Variants in ATP2B2 observed in about 807,000 individuals in gnomAD.
The protein encoded by ATP2B2 is ATPase plasma membrane Ca2+ transporting 2, also known as plasma membrane calcium-transporting ATPase 2.
In ATP2B2, 15 loss-of-function variants were observed where a neutral mutation model predicts 120.0. The ratio of observed to expected loss-of-function variants is 0.12; its 90% CI spans 0.08 to 0.19. ATP2B2 has a LOEUF of 0.19. ATP2B2 is among the 10% of genes least tolerant of loss of function. The pLI is 1.00. For missense variants in ATP2B2, 1,045 were observed against 1,719.8 expected, an observed-to-expected ratio of 0.61 and a Z score of 6.94; for synonymous variants, 694 against 700.3, an observed-to-expected ratio of 0.99 and a Z score of 0.14.
intron 5 of ATP2B2, among the ~76,000 whole-genome samples, chr3:10,398,380 T>G (rs1291777260): frequency 6.6e-6 from 1 of 152,224 alleles, no homozygotes; most frequent in African/African-American, 2.4e-5. Flanking sequence ...TCCAGCCAGA[T>G]GGAGACCAAG....
At chr3:10,435,364 C>A (rs1335127043) in intron 2 of ATP2B2, among the ~76,000 whole-genome samples, 2 of 152,146 alleles carry the variant, frequency 1.3e-5, no homozygotes, top group Non-Finnish European at 2.9e-5. Flanking sequence ...TATGGTTCTT[C>A]ACCCTGGCCA....
At chr3:10,638,816 T>C (rs2125648357) in intron 1 of ATP2B2, among the ~76,000 whole-genome samples, 1 of 152,340 alleles carries the variant, frequency 6.6e-6, no homozygotes, top group Admixed American at 6.5e-5. Context: ...GCTACATTTA[T>C]ATCAAAGTAG....
chr3:10,417,507 C>G (rs992998117), intron 2 of ATP2B2, among the ~76,000 whole-genome samples: 5 of 152,220 alleles, frequency 3.3e-5, no homozygotes, highest in African/African-American at 4.8e-5. Context: ...ATGCCAGGCC[C>G]CACTCAAGAC....
intron 1 of ATP2B2, among the ~76,000 whole-genome samples, chr3:10,623,986 T>C (rs1274289312): frequency 6.6e-6 from 1 of 152,180 alleles, no homozygotes; most frequent in African/African-American, 2.4e-5. Context: ...GGAAAAAGGG[T>C]TGGACTAGCT....
chr3:10,648,708 A>T (rs1199425054), intron 1 of ATP2B2, among the ~76,000 whole-genome samples: 1 of 152,168 alleles, frequency 6.6e-6, no homozygotes, highest in African/African-American at 2.4e-5. Flanking sequence ...ATCCAGAGAC[A>T]TAACCTGGGA....
At chr3:10,684,517 T>C (rs1339143702) in intron 1 of ATP2B2, among the ~76,000 whole-genome samples, 2 of 152,228 alleles carry the variant, frequency 1.3e-5, no homozygotes, top group Admixed American at 6.5e-5. Flanking sequence ...AACATCACCC[T>C]CAAAGGTTTC....
intron 8 of ATP2B2, among the ~76,000 whole-genome samples, chr3:10,379,994 A>G (rs2061487994): frequency 6.6e-6 from 1 of 152,152 alleles, no homozygotes; most frequent in African/African-American, 2.4e-5. Context: ...ATGGTGGTAT[A>G]CGAGGGACCT....
chr3:10,391,027 C>T (rs552263325), intron 5 of ATP2B2, among the ~76,000 whole-genome samples: 34 of 152,236 alleles, frequency 2.2e-4, no homozygotes, highest in Admixed American at 5.9e-4. Context: ...GGTCTCATGG[C>T]GGGTATCACT....
At chr3:10,439,975 T>G (rs2063606598) in intron 2 of ATP2B2, among the ~76,000 whole-genome samples, 1 of 151,812 alleles carries the variant, frequency 6.6e-6, no homozygotes. Flanking sequence ...TGGTGGCACA[T>G]GCCTGTAGTC....
At chr3:10,472,829 C>T (rs994255352) in intron 1 of ATP2B2, among the ~76,000 whole-genome samples, 12 of 152,218 alleles carry the variant, frequency 7.9e-5, no homozygotes, top group Non-Finnish European at 1.6e-4. Context: ...AAGTGACAAC[C>T]CTACAGTAGC....
At chr3:10,460,906 G>A (rs1575296580) in intron 1 of ATP2B2, among the ~76,000 whole-genome samples, 1 of 152,186 alleles carries the variant, frequency 6.6e-6, no homozygotes, top group Admixed American at 6.5e-5. Flanking sequence ...TGGGGTGAGG[G>A]AGGAAAAACT....
At chr3:10,528,097 C>G (rs2067136926) in intron 3 of ATP2B2, among the ~76,000 whole-genome samples, 1 of 152,196 alleles carries the variant, frequency 6.6e-6, no homozygotes. Flanking sequence ...CTGGCTTCTT[C>G]TTGGGCTTTT....
At chr3:10,466,463 G>C (rs2064746645) in intron 1 of ATP2B2, among the ~76,000 whole-genome samples, 1 of 152,152 alleles carries the variant, frequency 6.6e-6, no homozygotes, top group African/African-American at 2.4e-5. Flanking sequence ...TGTGTGTGTG[G>C]TGGGGTGTGA....
At chr3:10,583,983 C>G (rs73123642) in intron 2 of ATP2B2, among the ~76,000 whole-genome samples, 1 of 152,228 alleles carries the variant, frequency 6.6e-6, no homozygotes, top group African/African-American at 2.4e-5. Flanking sequence ...AATCGCTGGC[C>G]AGGTGCCTGC....
chr3:10,395,183 C>CA (rs2061995209), intron 5 of ATP2B2, among the ~76,000 whole-genome samples: 1 of 152,196 alleles, frequency 6.6e-6, no homozygotes, highest in Non-Finnish European at 1.5e-5. Context: ...GTGGAACTCT[C>CA]ACGGAAGTTC....
chr3:10,396,103 G>A (rs1450185059), intron 5 of ATP2B2, among the ~76,000 whole-genome samples: 1 of 152,232 alleles, frequency 6.6e-6, no homozygotes, highest in Non-Finnish European at 1.5e-5. Context: ...TGTCAGATGG[G>A]GAAACTGAGG....
chr3:10,549,475 A>AT (rs2067621681), intron 2 of ATP2B2, among the ~76,000 whole-genome samples: 1 of 152,108 alleles, frequency 6.6e-6, no homozygotes, highest in Non-Finnish European at 1.5e-5. Flanking sequence ...CATATAAATA[A>AT]GTGCTCAATG....
At chr3:10,362,750 G>T (rs1344146917) in intron 12 of ATP2B2, among the ~76,000 whole-genome samples, 2 of 152,204 alleles carry the variant, frequency 1.3e-5, no homozygotes, top group African/African-American at 4.8e-5. Flanking sequence ...TTACTAAGAA[G>T]CAGAGGAATA....
chr3:10,638,799 T>C (rs370876676), intron 1 of ATP2B2, among the ~76,000 whole-genome samples: 6 of 152,220 alleles, frequency 3.9e-5, no homozygotes, highest in East Asian at 3.8e-4. Context: ...AATCAAAAGC[T>C]GGAGTGGCTA....
Sources: gnomAD v4.1 joint callset for allele counts (sites outside exome capture counted in the v4.1 genomes callset) on GRCh38, gnomAD v4.1.1 for gene constraint, MANE v1.5 for transcripts, NCBI Gene and HGNC (gene_info 2026-07-23, HGNC 2026-07-21) for gene names.